The following FCER2 variants were observed in gnomAD, a reference collection of about 807,000 sequenced individuals.
The protein encoded by FCER2 is low affinity immunoglobulin epsilon Fc receptor.
FCER2 carries 38 observed loss-of-function variants against 49.7 expected under a neutral mutation model. The ratio of observed to expected loss-of-function variants is 0.76; its 90% CI spans 0.59 to 1.00. The LOEUF is 1.00. Among genes scored for constraint, FCER2 ranks in the 50% least tolerant of loss-of-function variants. The probability of loss-of-function intolerance (pLI) is 0.00; values close to 1 mark genes in which losing one functional copy is unlikely to be tolerated. For synonymous variants in FCER2, 163 were observed against 164.6 expected (o/e 0.99, Z 0.07); for missense variants, 425 against 419.5 (o/e 1.01, Z -0.11).
In FCER2 at chr19:7,698,609, G is replaced by A. The variant is rs561060537; in HGVS notation, c.136+132C>T. The A allele has an allele frequency of 1.3e-5, 16 of 1,260,574 alleles. No homozygotes were observed. In the South Asian group the frequency reaches 2.0e-4, roughly 16 times the overall value. The allele number at this position is 1,260,574 out of a possible 1,614,324, so 78.1% of individuals were successfully genotyped here. Reference sequence around the variant, plus strand: ...GGAAAGGGCTGGCAGTGGCAAGATGGGAGGCAGGATGGGAAAATTGGGTTT... The same window carrying A: ...GGAAAGGGCTGGCAGTGGCAAGATGAGAGGCAGGATGGGAAAATTGGGTTT... On this transcript the variant is annotated intron_variant, in intron 3 of 10. Coordinates refer to ENST00000597921, the MANE Select transcript of FCER2 (RefSeq NM_001220500.2).
At chr19:7,693,028 C>T (rs28599733) in intron 8 of FCER2, among the ~76,000 whole-genome samples, 1 of 152,128 alleles carries the variant, frequency 6.6e-6, no homozygotes, top group Non-Finnish European at 1.5e-5. Flanking sequence ...TCACCGACAT[C>T]ATTAACAGAG....
Position 7,696,842 on chromosome 19 carries a change from TC to T in FCER2, c.451del (p.Glu151SerfsTer60), listed in dbSNP as rs773898163. On this transcript the variant is annotated frameshift_variant, in exon 8 of 11. Transcript: ENST00000597921. LOFTEE classifies it high-confidence loss of function. Reference protein sequence around the residue: ...LREEVTKLRMELQVSSGFVCN... With the variant: ...LREEVTKLRMXLQVSSGFVCN... ...ACACTCACCGCTGGACACCTGCAAC[TC>T]CATCCTTAGCTTTGTCACCTCCTCC... is the stretch of plus-strand genomic sequence containing the variant. The T allele has an allele frequency of 8.9e-6, 14 of 1,581,008 alleles. No individual in the cohort carries two copies. The African/African-American group carries it at 1.7e-4, about 20-fold the overall frequency.
In FCER2 at chr19:7,698,748, G is replaced by A. The variant is rs1177191330; in HGVS notation, c.129C>T (p.Leu43=). 1 of 1,612,684 alleles carries A rather than the reference G, an allele frequency of 6.2e-7. No homozygotes were observed. Among genetic ancestry groups the A allele is most frequent in the Non-Finnish European group, 8.5e-7 (1 of 1,179,548 alleles). ...ALWAGLLTLL[L]LWHWDTTQSL... ...AGCTGGGGGTGTCCTCACGCCACAGGAGAAGCAGAGTCAGCAGCCCAGCCC... is the reference window on the plus strand; with the variant it reads ...AGCTGGGGGTGTCCTCACGCCACAGAAGAAGCAGAGTCAGCAGCCCAGCCC... Residue 43 remains leucine (L), a synonymous_variant, in exon 3 of 11, where the codon CTC becomes CTT. Transcript: ENST00000597921.
chr19:7,697,676 T>A, intron 4 of FCER2, 87 bp from the exon 5 acceptor site: 3 of 1,002,120 alleles, frequency 3.0e-6, no homozygotes, highest in Non-Finnish European at 3.1e-6. Flanking sequence ...AGGGACCCTC[T>A]CACATAGTCA....
At chr19:7,699,289 C>A in intron 2 of FCER2, 1 of 755,816 alleles carries the variant, frequency 1.3e-6, no homozygotes, top group South Asian at 1.5e-5. Flanking sequence ...AGGTGTCATC[C>A]AACATCCAGA....
In FCER2 at chr19:7,698,332, C is replaced by T. The variant is rs186856964; in HGVS notation, c.190+24G>A. ...GGGCATCCTAACCCTCACCCCCACC[C>T]CCTCCACCTTGACCCCTTCATACCG... On this transcript the variant is annotated intron_variant, in intron 4 of 10. Coordinates refer to ENST00000597921, the MANE Select transcript of FCER2 (RefSeq NM_001220500.2). The T allele has an allele frequency of 6.8e-5, 105 of 1,553,732 alleles. No homozygotes were observed. The African/African-American group carries it at 1.2e-3, about 18-fold the overall frequency.
At chr19:7,700,506 CTTTA>C (rs113893384) in intron 1 of FCER2, among the ~76,000 whole-genome samples, 102,826 of 150,676 alleles carry the variant, frequency 0.68, 35,544 homozygotes, top group East Asian at 0.85. Context: ...AGTGCTCTGA[CTTTA>C]TTTATTTATT....
rs72998466 is a variant in FCER2, at chr19:7,691,123, A to G, written c.470-566T>C. On this transcript the variant is annotated intron_variant, in intron 8 of 10. Coordinates refer to ENST00000597921, the MANE Select transcript of FCER2 (RefSeq NM_001220500.2). ...CATGACCACAAACACACTCATGTCC[A>G]ATAATATTTCAACCATCGTCATAAC... Among the ~76,000 whole-genome samples, 648 of 124,210 alleles carry G rather than the reference A, an allele frequency of 5.2e-3. 5 individuals carry two copies. The highest frequency in any genetic ancestry group is 8.5e-3 in the African/African-American group (253 of 29,764). The allele number at this position is 124,210 out of a possible 152,430, so 81.5% of individuals were successfully genotyped here. A position where few individuals can be genotyped will look rare whatever the true frequency, so the allele number is the denominator to read the frequency against.
At chr19:7,690,291 A>C (rs1196555191) in intron 9 of FCER2, 26 bp from the exon 10 acceptor site, 1 of 1,608,530 alleles carries the variant, frequency 6.2e-7, no homozygotes, top group Non-Finnish European at 8.5e-7. Context: ...GGGCTGGAGG[A>C]CTGGAGACAT....
intron 5 of FCER2, 100 bp downstream of exon 5, chr19:7,697,425 GTC>G: frequency 6.8e-7 from 1 of 1,460,614 alleles, no homozygotes; most frequent in Non-Finnish European, 9.6e-7. Context: ...GTTCCCGGGT[GTC>G]GGGGGTGGGG....
chr19:7,693,737 C>T (rs1440350310), intron 8 of FCER2, among the ~76,000 whole-genome samples: 1 of 152,020 alleles, frequency 6.6e-6, no homozygotes, highest in Non-Finnish European at 1.5e-5. Flanking sequence ...CAACCTGCAC[C>T]TCCCGGGTTC....
rs572625411 is a variant in FCER2 at position 7,695,621 on chromosome 19, A to T, written c.469+1204T>A. Among the ~76,000 whole-genome samples, 6 of 152,078 alleles carry T rather than the reference A, an allele frequency of 3.9e-5. No individual in the cohort carries two copies. In the South Asian group the frequency reaches 8.3e-4, roughly 21 times the overall value. ...CGAGATCCTGTCGCTACAAAAAATA[A>T]AAAAATTAGCTAGGGCCAGGTGCAA... On this transcript the variant is annotated intron_variant, in intron 8 of 10. Transcript: ENST00000597921.
intron 2 of FCER2, among the ~76,000 whole-genome samples, chr19:7,699,177 ACACCTCTG>A (rs1331781379): frequency 6.6e-6 from 1 of 151,518 alleles, no homozygotes; most frequent in African/African-American, 2.4e-5. Flanking sequence ...GCCCACCCTT[ACACCTCTG>A]CACCTGTCCC....
chr19:7,696,333 T>C (rs11260020), intron 8 of FCER2, among the ~76,000 whole-genome samples: 27,937 of 151,758 alleles, frequency 0.18, 3,109 homozygotes, highest in African/African-American at 0.31. Flanking sequence ...ACTCCTGACC[T>C]CACATAATCT....
chr19:7,699,703 G>C, intron 2 of FCER2, 36 bp downstream of exon 2: 2 of 1,605,842 alleles, frequency 1.2e-6, no homozygotes, highest in Non-Finnish European at 1.7e-6. Flanking sequence ...AAGGGTCATT[G>C]CTTCTGCCAA....
Position 7,697,223 on chromosome 19 carries a change from C to A in FCER2, c.316+13G>T, listed in dbSNP as rs2033039306. On this transcript the variant is annotated intron_variant, in intron 6 of 10. Coordinates refer to ENST00000597921, the MANE Select transcript of FCER2 (RefSeq NM_001220500.2). ...CCCAATCTGGCTTCATAACCCCGAT[C>A]CCAGTCTCTCACCCTGAGATTTCAA... 4 of 1,613,838 alleles carry A rather than the reference C, an allele frequency of 2.5e-6. No homozygotes were observed. The highest frequency in any genetic ancestry group is 3.4e-6 in the Non-Finnish European group (4 of 1,179,702).
chr19:7,690,610 C>T, intron 8 of FCER2, 53 bp from the exon 9 acceptor site: 1 of 1,580,516 alleles, frequency 6.3e-7, no homozygotes, highest in South Asian at 1.1e-5. Flanking sequence ...CCTTGGGCAC[C>T]CTGGGCAGAC....
chr19:7,690,405 C>T lies in FCER2; in HGVS notation c.621+1G>A, dbSNP rs141227304. On this transcript the variant is annotated splice_donor_variant, in intron 9 of 10. Coordinates refer to ENST00000597921, the MANE Select transcript of FCER2 (RefSeq NM_001220500.2). LOFTEE classifies it high-confidence loss of function. The stretch of plus-strand genomic sequence containing the variant: ...ACCACCTCTGCAGAGCCCCAGCCCA[C>T]CTGCTCCTCCGGGCTGTGGATGCTG... The T allele has an allele frequency of 9.3e-6, 15 of 1,613,390 alleles. No individual in the cohort carries two copies. The African/African-American group carries it at 1.7e-4, about 19-fold the overall frequency.
rs770755660 is a variant in FCER2, at chr19:7,690,468, C to T, written c.559G>A (p.Ala187Thr). Residue 187 changes from alanine to threonine, a missense_variant, in exon 9 of 11, where the codon GCC becomes ACC. Physicochemically the swap from Ala to Thr is moderately conservative, Grantham distance 58 (BLOSUM62 0). Transcript: ENST00000597921. Reference protein sequence around the residue: ...FGKGTKQWVHARYACDDMEGQ... With the variant: ...FGKGTKQWVHTRYACDDMEGQ... ...TCCATGTCGTCACAGGCATACCGGGCGTGGACCCACTGCTTGGTGCCCTTG... is the reference window on the plus strand; with the variant it reads ...TCCATGTCGTCACAGGCATACCGGGTGTGGACCCACTGCTTGGTGCCCTTG... 10 of 1,614,134 alleles carry T rather than the reference C, an allele frequency of 6.2e-6. No individual in the cohort carries two copies. Among genetic ancestry groups the T allele is most frequent in the South Asian group, 3.3e-5 (3 of 91,084 alleles).
Sources: allele counts gnomAD v4.1 joint callset (sites outside exome capture counted in the v4.1 genomes callset), GRCh38; gene constraint gnomAD v4.1.1; transcripts MANE v1.5; gene names NCBI Gene and HGNC (gene_info 2026-07-23, HGNC 2026-07-21).